Variants in ZCCHC7 observed in about 807,000 individuals in gnomAD.
ZCCHC7 encodes the protein zinc finger CCHC domain-containing protein 7.
A neutral mutation model predicts 52.0 loss-of-function variants in ZCCHC7; 35 were observed. The observed-to-expected ratio is 0.67, with a 90% CI of 0.51 to 0.89. The LOEUF (loss-of-function observed/expected upper bound fraction) is 0.89. ZCCHC7 is among the 40% of genes least tolerant of loss of function. The probability of loss-of-function intolerance (pLI) is 0.00; values close to 1 mark genes in which losing one functional copy is unlikely to be tolerated. For missense variants in ZCCHC7, 574 were observed against 649.1 expected (o/e 0.88, Z 1.26); for synonymous variants, 217 against 221.5 (o/e 0.98, Z 0.18).
chr9:37,200,158 T>C (rs1823557461), intron 2 of ZCCHC7, among the ~76,000 whole-genome samples: 1 of 152,218 alleles, frequency 6.6e-6, no homozygotes, highest in African/African-American at 2.4e-5. Flanking sequence ...GTTACTTTGT[T>C]TTTCTAATTT....
rs181366090 is a variant in ZCCHC7 at position 37,312,009 on chromosome 9, A to G, written c.951+6295A>G. Among the ~76,000 whole-genome samples the G allele has an allele frequency of 3.3e-5, 5 of 152,326 alleles. No individual in the cohort carries two copies. The East Asian group carries it at 7.7e-4, about 23-fold the overall frequency. On this transcript the variant is annotated intron_variant, in intron 5 of 8. Coordinates refer to ENST00000336755, the MANE Select transcript of ZCCHC7 (RefSeq NM_032226.3). The stretch of plus-strand genomic sequence containing the variant: ...AGAGTTACTAGAGCATTATTTTTGT[A>G]AAGGTAATTATTTAAGAAACAGGTA...
chr9:37,251,803 G>T (rs1826342560), intron 2 of ZCCHC7, among the ~76,000 whole-genome samples: 1 of 152,132 alleles, frequency 6.6e-6, no homozygotes, highest in Non-Finnish European at 1.5e-5. Context: ...GTTGCCAGGG[G>T]TAACTAGAGA....
intron 2 of ZCCHC7, among the ~76,000 whole-genome samples, chr9:37,161,574 CAAAAA>C (rs544563693): frequency 5.9e-4 from 81 of 137,078 alleles, no homozygotes; most frequent in African/African-American, 2.1e-3. Context: ...GACTCTGTCT[CAAAAA>C]AAAAAGAAAA....
chr9:37,213,784 A>G (rs922823119), intron 2 of ZCCHC7, among the ~76,000 whole-genome samples: 1 of 152,116 alleles, frequency 6.6e-6, no homozygotes, highest in African/African-American at 2.4e-5. Flanking sequence ...TGTTTTGATT[A>G]TAAAAATTTC....
chr9:37,275,753 C>T (rs1827655151), intron 2 of ZCCHC7, among the ~76,000 whole-genome samples: 1 of 152,204 alleles, frequency 6.6e-6, no homozygotes, highest in African/African-American at 2.4e-5. Context: ...AGCGATTCTC[C>T]TGTCTCAGCG....
At chr9:37,351,827 A>T (rs1196015625) in intron 7 of ZCCHC7, among the ~76,000 whole-genome samples, 1 of 152,208 alleles carries the variant, frequency 6.6e-6, no homozygotes, top group African/African-American at 2.4e-5. Context: ...TTAAAGAAAA[A>T]CAATTATAGT....
At chr9:37,150,809 TAATA>T (rs1820478017) in intron 2 of ZCCHC7, among the ~76,000 whole-genome samples, 1 of 152,178 alleles carries the variant, frequency 6.6e-6, no homozygotes, top group African/African-American at 2.4e-5. Context: ...CAGAATATTG[TAATA>T]AATAATGTAA....
chr9:37,165,348 G>A (rs1821362391), intron 2 of ZCCHC7, among the ~76,000 whole-genome samples: 1 of 151,964 alleles, frequency 6.6e-6, no homozygotes, highest in Admixed American at 6.5e-5. Flanking sequence ...TTGGATGGAA[G>A]GGAACCTTAA....
At chr9:37,159,106 A>G (rs780725777) in intron 2 of ZCCHC7, among the ~76,000 whole-genome samples, 5 of 152,202 alleles carry the variant, frequency 3.3e-5, no homozygotes, top group Admixed American at 6.5e-5. Flanking sequence ...ATTTGTTCAT[A>G]CTTTAACAGG....
chr9:37,348,015 C>T (rs547938542), intron 6 of ZCCHC7, among the ~76,000 whole-genome samples: 54 of 152,302 alleles, frequency 3.5e-4, no homozygotes, highest in African/African-American at 8.9e-4. Flanking sequence ...CTTCAGGGTT[C>T]CTTCCTCAGC....
chr9:37,185,157 G>A (rs918330628), intron 2 of ZCCHC7, among the ~76,000 whole-genome samples: 30 of 152,150 alleles, frequency 2.0e-4, no homozygotes, highest in African/African-American at 7.2e-4. Context: ...GTCTCTAGAG[G>A]TCGTGGGTGC....
intron 5 of ZCCHC7, among the ~76,000 whole-genome samples, chr9:37,326,658 A>G (rs991809483): frequency 6.0e-5 from 9 of 150,706 alleles, no homozygotes; most frequent in Non-Finnish European, 1.2e-4. Flanking sequence ...TTGGCATTCA[A>G]ATGTTTCTTA....
rs148007779 is a variant in ZCCHC7, at chr9:37,263,338, C to G, written c.611-38850C>G. The stretch of plus-strand genomic sequence containing the variant: ...TATTTTGTATATACTCTTACATTTT[C>G]TATATACCCTTATATTTTGTATTTT... On this transcript the variant is annotated intron_variant, in intron 2 of 8. Transcript: ENST00000336755. Among the ~76,000 whole-genome samples the G allele has an allele frequency of 1.1e-4, 17 of 151,782 alleles. 1 individual carries two copies. In the East Asian group the frequency reaches 3.3e-3, roughly 29 times the overall value.
intron 2 of ZCCHC7, among the ~76,000 whole-genome samples, chr9:37,175,996 A>G (rs928781959): frequency 3.9e-5 from 6 of 152,182 alleles, no homozygotes; most frequent in Non-Finnish European, 8.8e-5. Context: ...AATTAGTGTA[A>G]TGGTTGAATA....
chr9:37,311,414 A>ATTTATT (rs752038679), intron 5 of ZCCHC7, among the ~76,000 whole-genome samples: 4 of 151,682 alleles, frequency 2.6e-5, no homozygotes, highest in African/African-American at 7.3e-5. Context: ...TCCTTTATTT[A>ATTTATT]TTTATTTTTA....
chr9:37,124,463 T>C (rs574942417), intron 1 of ZCCHC7, among the ~76,000 whole-genome samples: 8 of 152,112 alleles, frequency 5.3e-5, no homozygotes, highest in African/African-American at 1.9e-4. Context: ...CAAACGTTTG[T>C]AGCTGACCCC....
At chr9:37,266,290 C>T (rs928737237) in intron 2 of ZCCHC7, among the ~76,000 whole-genome samples, 4 of 152,034 alleles carry the variant, frequency 2.6e-5, no homozygotes, top group Admixed American at 6.6e-5. Context: ...GATGGTATGG[C>T]CAAAATGGGC....
intron 2 of ZCCHC7, among the ~76,000 whole-genome samples, chr9:37,266,130 T>C (rs1030832501): frequency 2.0e-5 from 3 of 152,236 alleles, no homozygotes; most frequent in Non-Finnish European, 2.9e-5. Context: ...TTAATTCCTT[T>C]TTTAAACTAA....
At chr9:37,304,152 A>G (rs1257168206) in intron 3 of ZCCHC7, 36 bp from the exon 4 acceptor site, 1 of 1,580,252 alleles carries the variant, frequency 6.3e-7, no homozygotes, top group East Asian at 2.2e-5. Context: ...TAGCAGTGAA[A>G]CAATTTTTTT....
Sources: gnomAD v4.1 joint callset for allele counts (sites outside exome capture counted in the v4.1 genomes callset) on GRCh38, gnomAD v4.1.1 for gene constraint, MANE v1.5 for transcripts, NCBI Gene and HGNC (gene_info 2026-07-23, HGNC 2026-07-21) for gene names.